LTBP1: variants seen among roughly 807,000 people sequenced by gnomAD.
The protein encoded by LTBP1 is latent-transforming growth factor beta-binding protein 1.
Under a neutral mutation model 207.6 loss-of-function variants are expected in LTBP1, and 129 were observed. The ratio of observed to expected loss-of-function variants is 0.62; its 90% CI spans 0.54 to 0.72. LTBP1 has a LOEUF of 0.72. LTBP1 is among the 30% of genes least tolerant of loss of function. LTBP1 has a pLI of 0.00. For synonymous variants in LTBP1, 963 were observed against 833.7 expected (o/e 1.16, Z -2.67); for missense variants, 2,281 against 2,217.2 (o/e 1.03, Z -0.58).
chr2:33,354,715 CACACACACACACA>C (rs2094833750), intron 26 of LTBP1, among the ~76,000 whole-genome samples: 3 of 134,756 alleles, frequency 2.2e-5, no homozygotes, highest in African/African-American at 2.6e-5. Flanking sequence ...CACACACACA[CACACACACACACA>C]CCATTGTATC....
intron 3 of LTBP1, among the ~76,000 whole-genome samples, chr2:33,058,325 T>C (rs561100086): frequency 1.0e-3 from 157 of 152,366 alleles, no homozygotes; most frequent in African/African-American, 3.7e-3. Context: ...CTATAGGTTC[T>C]TAGAGGCTAA....
chr2:33,209,507 C>T (rs1489164589), intron 7 of LTBP1, among the ~76,000 whole-genome samples: 1 of 152,150 alleles, frequency 6.6e-6, no homozygotes, highest in Non-Finnish European at 1.5e-5. Flanking sequence ...TTCCATGATA[C>T]CATGTTGTGC....
At chr2:33,057,132 GGT>G (rs2077041098) in intron 3 of LTBP1, among the ~76,000 whole-genome samples, 1 of 151,678 alleles carries the variant, frequency 6.6e-6, no homozygotes, top group Non-Finnish European at 1.5e-5. Flanking sequence ...AGTGCTGATT[GGT>G]GTATTCACAA....
chr2:33,181,834 C>T (rs1415615464), intron 5 of LTBP1, among the ~76,000 whole-genome samples: 1 of 152,086 alleles, frequency 6.6e-6, no homozygotes, highest in Non-Finnish European at 1.5e-5. Context: ...ACTTGGGAAG[C>T]ACAGATGATA....
intron 24 of LTBP1, among the ~76,000 whole-genome samples, chr2:33,334,078 G>C (rs2094527172): frequency 6.6e-6 from 1 of 152,162 alleles, no homozygotes; most frequent in Non-Finnish European, 1.5e-5. Context: ...AGAATCCTTT[G>C]GGTTTTACAA....
At position 33,002,742 on chromosome 2, in the gene LTBP1, ATCTTGGCTCACTGCAAC is replaced by A. The variant is rs1686223932; in HGVS notation, c.566-18166_566-18150del. Among the ~76,000 whole-genome samples, 4 of 151,798 alleles carry A rather than the reference ATCTTGGCTCACTGCAAC, an allele frequency of 2.6e-5. No homozygotes were observed. The East Asian group carries it at 7.7e-4, about 29-fold the overall frequency. On this transcript the variant is annotated intron_variant, in intron 2 of 33. Transcript: ENST00000404816. ...GCCCAGGCTGGAGTGCAGTGGTGTG[ATCTTGGCTCACTGCAAC>A]CTCTGGCTCCCTGGTTCAAACGATT...
In LTBP1 at chr2:33,300,581, G is replaced by T; in HGVS notation, c.3358+8G>T. On this transcript the variant is annotated splice_region_variant and intron_variant, in intron 21 of 33. Transcript: ENST00000404816. ...CTAAAGACCAGTGTGAAGGTAAGAG[G>T]GTAGTAACATGAACTACTGAAACTT... 1 of 1,610,508 alleles carries T rather than the reference G, an allele frequency of 6.2e-7. No homozygotes were observed. The highest frequency in any genetic ancestry group is 8.5e-7 in the Non-Finnish European group (1 of 1,177,790).
chr2:33,111,011 G>C lies in LTBP1; in HGVS notation c.1033+260G>C, dbSNP rs1443035632. 2.6e-5 allele frequency among the ~76,000 whole-genome samples: 4 copies of C among 152,116 alleles called. No homozygotes were observed. In the East Asian group the frequency reaches 7.7e-4, roughly 29 times the overall value. ...TTCTGTTTCTGCAATATGGCTTCAT[G>C]TCTAAGACATATTTGCTCTAACTTT... On this transcript the variant is annotated intron_variant, in intron 4 of 33. Coordinates refer to ENST00000404816, the MANE Select transcript of LTBP1 (RefSeq NM_206943.4).
chr2:33,264,107 T>G (rs1290062053), intron 15 of LTBP1, among the ~76,000 whole-genome samples: 1 of 151,340 alleles, frequency 6.6e-6, no homozygotes, highest in Non-Finnish European at 1.5e-5. Context: ...TACAAAAAAA[T>G]TAGCTGGGCC....
chr2:33,050,130 A>ATTT (rs11318613), intron 3 of LTBP1, among the ~76,000 whole-genome samples: 1 of 144,606 alleles, frequency 6.9e-6, no homozygotes, highest in African/African-American at 2.6e-5. Flanking sequence ...AGGCGTAAGC[A>ATTT]TTTTTTTTTT....
intron 24 of LTBP1, among the ~76,000 whole-genome samples, chr2:33,316,961 A>G (rs183430922): frequency 3.3e-5 from 5 of 152,310 alleles, no homozygotes; most frequent in African/African-American, 1.2e-4. Context: ...GTGCCATGCA[A>G]AATTATATTC....
chr2:32,956,410 C>A (rs1202037153), intron 2 of LTBP1, among the ~76,000 whole-genome samples: 1 of 152,240 alleles, frequency 6.6e-6, no homozygotes, highest in Admixed American at 6.5e-5. Context: ...ATGCTCACAG[C>A]ATCTTCGCCA....
intron 2 of LTBP1, among the ~76,000 whole-genome samples, chr2:33,017,774 G>T (rs1014115615): frequency 6.6e-6 from 1 of 152,118 alleles, no homozygotes. Context: ...CCACCAGTAC[G>T]CCTGGCTAAT....
chr2:33,187,003 G>C lies in LTBP1; in HGVS notation c.1349G>C (p.Gly450Ala), dbSNP rs1244606961. The change falls in exon 6 of 34, where the codon GGC (glycine) becomes GCC (alanine). Residue 450 changes from glycine to alanine, a missense_variant. Physicochemically the swap from Gly to Ala is moderately conservative, Grantham distance 60. Transcript: ENST00000404816. Reference protein sequence around the residue: ...PKLYQHSQQPGKALGTHVIHS... With the variant: ...PKLYQHSQQPAKALGTHVIHS... ...CTTTATCAGCATTCCCAGCAGCCAG[G>C]CAAGGCGTTGGGGACGCATGTCATC... The C allele has an allele frequency of 6.2e-7, 1 of 1,614,168 alleles. No individual in the cohort carries two copies. The highest frequency in any genetic ancestry group is 1.1e-5 in the South Asian group (1 of 91,080).
chr2:33,107,880 TTGATGTTCAC>T (rs2080158154), intron 3 of LTBP1, among the ~76,000 whole-genome samples: 1 of 152,158 alleles, frequency 6.6e-6, no homozygotes, highest in Non-Finnish European at 1.5e-5. Flanking sequence ...TGTGACTAAT[TTGATGTTCAC>T]TGGTGATAGT....
At chr2:33,023,642 T>C (rs775255483) in intron 3 of LTBP1, among the ~76,000 whole-genome samples, 2 of 152,198 alleles carry the variant, frequency 1.3e-5, no homozygotes, top group African/African-American at 2.4e-5. Context: ...AATCCTGATA[T>C]TAATAAACTA....
chr2:32,955,777 C>T (rs896000781), intron 2 of LTBP1, among the ~76,000 whole-genome samples: 1 of 151,992 alleles, frequency 6.6e-6, no homozygotes, highest in Non-Finnish European at 1.5e-5. Context: ...TCTGTAAATG[C>T]GTGTTTTACT....
At chr2:33,335,995 C>G (rs2094549856) in intron 24 of LTBP1, among the ~76,000 whole-genome samples, 1 of 152,190 alleles carries the variant, frequency 6.6e-6, no homozygotes, top group Non-Finnish European at 1.5e-5. Context: ...CCTCCTGAGA[C>G]TTGCAACCAT....
intron 15 of LTBP1, 107 bp from the exon 16 acceptor site, chr2:33,273,549 C>A: frequency 1.3e-6 from 1 of 743,042 alleles, no homozygotes; most frequent in Non-Finnish European, 2.1e-6. Context: ...GTAGAGCTGG[C>A]AATAATTTGC....
Sources: gnomAD v4.1 joint callset for allele counts (sites outside exome capture counted in the v4.1 genomes callset) on GRCh38, gnomAD v4.1.1 for gene constraint, MANE v1.5 for transcripts, NCBI Gene and HGNC (gene_info 2026-07-23, HGNC 2026-07-21) for gene names.